The following OR6X1 variants were observed in gnomAD, a reference collection of about 807,000 sequenced individuals.
OR6X1 encodes olfactory receptor family 6 subfamily X member 1, also known as olfactory receptor 6X1.
For missense variants in OR6X1, 354 were observed against 372.2 expected, an observed-to-expected ratio of 0.95 and a Z score of 0.40; for synonymous variants, 160 against 149.8, an observed-to-expected ratio of 1.07 and a Z score of -0.50.
Position 123,754,348 on chromosome 11 carries a change from C to T in OR6X1, c.171G>A (p.Met57Ile), listed in dbSNP as rs760082144. The change falls in exon 1 of 1, where the codon ATG becomes ATA. Residue 57 changes from methionine (M) to isoleucine (I), a missense_variant. Met to Ile is a conservative substitution (Grantham distance 10). Coordinates refer to ENST00000327930, the MANE Select transcript of OR6X1 (RefSeq NM_001005188.1). Reference protein sequence around the residue: ...VWAEPRLQIPMYFFLCNLSFL... With the variant: ...VWAEPRLQIPIYFFLCNLSFL... ...AAGACAAGTTACAAAGGAAGAAGTACATTGGAATTTGTAGCCTGGGCTCAG... is the reference window on the plus strand; with the variant it reads ...AAGACAAGTTACAAAGGAAGAAGTATATTGGAATTTGTAGCCTGGGCTCAG... 27 of 1,614,124 alleles carry T rather than the reference C, an allele frequency of 1.7e-5. No individual in the cohort carries two copies. The highest frequency in any genetic ancestry group is 1.1e-4 in the East Asian group (5 of 44,880).
At position 123,754,166 on chromosome 11, in the gene OR6X1, A is replaced by G; in HGVS notation, c.353T>C (p.Phe118Ser). The G allele has an allele frequency of 6.2e-7, 1 of 1,614,116 alleles. No homozygotes were observed. Among genetic ancestry groups the G allele is most frequent in the Non-Finnish European group, 8.5e-7 (1 of 1,180,020 alleles). Residue 118 changes from phenylalanine (F) to serine (S), a missense_variant, in exon 1 of 1, where the codon TTT (phenylalanine) becomes TCT (serine). By Grantham distance (155) the Phe-to-Ser change is radical. Transcript: ENST00000327930. ...TEFLILTIMSFDRYLTICNPL... is the reference protein window; with the variant it reads ...TEFLILTIMSSDRYLTICNPL... ...ATTGCAGATGGTGAGGTAGCGGTCA[A>G]AAGACATGATAGTGAGGATCAAGAA...
Position 123,753,905 on chromosome 11 carries a change from AT to A in OR6X1, c.613del (p.Ile205SerfsTer9), listed in dbSNP as rs984306745. The A allele has an allele frequency of 1.8e-5, 29 of 1,614,088 alleles. No individual in the cohort carries two copies. The highest frequency in any genetic ancestry group is 2.2e-5 in the Non-Finnish European group (26 of 1,180,038). On this transcript the variant is annotated frameshift_variant, in exon 1 of 1. Coordinates refer to ENST00000327930, the MANE Select transcript of OR6X1 (RefSeq NM_001005188.1). LOFTEE classifies it low-confidence loss of function (END_TRUNC). ...LLGVIATILV[I>X]PGSLLFNMIS... ...CATATTAAAGAGAAGTGACCCTGGGATCACAAGGATGGTTGCTATGACGCCC... is the reference window on the plus strand; with the variant it reads ...CATATTAAAGAGAAGTGACCCTGGGACACAAGGATGGTTGCTATGACGCCC...
chr11:123,753,752 A>T lies in OR6X1; in HGVS notation c.767T>A (p.Met256Lys), dbSNP rs148604482. 1 of 1,614,058 alleles carries T rather than the reference A, an allele frequency of 6.2e-7. No homozygotes were observed. The highest frequency in any genetic ancestry group is 8.5e-7 in the Non-Finnish European group (1 of 1,180,028). Residue 256 changes from methionine (M) to lysine (K), a missense_variant, in exon 1 of 1, where the codon ATG (methionine) becomes AAG (lysine). Physicochemically the swap from Met to Lys is moderately conservative, Grantham distance 95. Transcript: ENST00000327930. ...VSLLYGAVLFMYLRPTAHSSF... is the reference protein window; with the variant it reads ...VSLLYGAVLFKYLRPTAHSSF... ...GGAGTGTGCTGTGGGTCTTAGGTAC[A>T]TGAACAGAACAGCCCCGTAGAGCAG...
Position 123,754,448 on chromosome 11 carries a change from G to A in OR6X1, c.71C>T (p.Pro24Leu), listed in dbSNP as rs773970171. ...GFPVIQGLQT[P>L]LFIAIFLTYI... ...GGTGAGAAAGATTGCAATAAAGAGAGGTGTTTGTAGGCCTTGGATAACAGG... is the reference window on the plus strand; with the variant it reads ...GGTGAGAAAGATTGCAATAAAGAGAAGTGTTTGTAGGCCTTGGATAACAGG... Residue 24 changes from proline (P) to leucine (L), a missense_variant, in exon 1 of 1, where the codon CCT becomes CTT. Transcript: ENST00000327930. 6 of 1,613,966 alleles carry A rather than the reference G, an allele frequency of 3.7e-6. No individual in the cohort carries two copies. In the Admixed American group the frequency reaches 8.3e-5, roughly 22 times the overall value.
rs779217499 is a variant in OR6X1, at chr11:123,753,797, G to A, written c.722C>T (p.Ser241Leu). The change falls in exon 1 of 1, where the codon TCG becomes TTG. Residue 241 changes from serine (S) to leucine (L), a missense_variant. Transcript: ENST00000327930. Reference sequence around the variant, plus strand: ...GAGCAGGGAGACAACTGTCAGGTGCGAGGCACAGGTAGAGAAAGTCTTTTG... The same window carrying A: ...GAGCAGGGAGACAACTGTCAGGTGCAAGGCACAGGTAGAGAAAGTCTTTTG... ...GHQKTFSTCA[S>L]HLTVVSLLYG... 9 of 1,614,116 alleles carry A rather than the reference G, an allele frequency of 5.6e-6. No individual in the cohort carries two copies. The Admixed American group carries it at 1.0e-4, about 18-fold the overall frequency.
chr11:123,754,288 G>A lies in OR6X1; in HGVS notation c.231C>T (p.Pro77=). The A allele has an allele frequency of 6.2e-7, 1 of 1,614,160 alleles. No homozygotes were observed. Among genetic ancestry groups the A allele is most frequent in the South Asian group, 1.1e-5 (1 of 91,082 alleles). The change falls in exon 1 of 1, where the codon CCC becomes CCT. Residue 77 remains proline, a synonymous_variant. Transcript: ENST00000327930. ...LEIWYTTTVI[P]KLLGTFVVAR... Reference sequence around the variant, plus strand: ...CCACTACAAAGGTTCCTAGCAGTTTGGGGATGACTGTGGTGGTGTACCAGA... The same window carrying A: ...CCACTACAAAGGTTCCTAGCAGTTTAGGGATGACTGTGGTGGTGTACCAGA...
rs1336448491 is a variant in OR6X1 at position 123,754,412 on chromosome 11, G to T, written c.107C>A (p.Thr36Asn). ...FIAIFLTYIL[T>N]LAGNGLIIAT... The stretch of plus-strand genomic sequence containing the variant: ...AATAATAAGCCCATTGCCTGCAAGG[G>T]TTAATATGTAGGTGAGAAAGATTGC... The change falls in exon 1 of 1, where the codon ACC becomes AAC. Residue 36 changes from threonine (T) to asparagine (N), a missense_variant. Coordinates refer to ENST00000327930, the MANE Select transcript of OR6X1 (RefSeq NM_001005188.1). The T allele has an allele frequency of 6.2e-7, 1 of 1,614,072 alleles. No homozygotes were observed. Among genetic ancestry groups the T allele is most frequent in the Non-Finnish European group, 8.5e-7 (1 of 1,179,910 alleles).
chr11:123,754,073 A>G lies in OR6X1; in HGVS notation c.446T>C (p.Val149Ala), dbSNP rs768292229. Reference protein sequence around the residue: ...CLQLALSSWVVGFTIVFCQTM... With the variant: ...CLQLALSSWVAGFTIVFCQTM... ...CTGACAAAAGACAATGGTGAAGCCC[A>G]CCACCCAGGAGCTCAGGGCCAGCTG... The change falls in exon 1 of 1, where the codon GTG becomes GCG. Residue 149 changes from valine (V) to alanine (A), a missense_variant. By Grantham distance (64) the Val-to-Ala change is moderately conservative. Transcript: ENST00000327930. 2.5e-6 allele frequency: 4 copies of G among 1,614,170 alleles called. No homozygotes were observed. Among genetic ancestry groups the G allele is most frequent in the Non-Finnish European group, 3.4e-6 (4 of 1,180,026 alleles).
In OR6X1 at chr11:123,753,854, G is replaced by A; in HGVS notation, c.665C>T (p.Ala222Val). The A allele has an allele frequency of 6.2e-7, 1 of 1,614,166 alleles. No individual in the cohort carries two copies. The highest frequency in any genetic ancestry group is 1.3e-5 in the African/African-American group (1 of 75,044). ...NMISYIYILS[A>V]ILRIPSATGH... Reference sequence around the variant, plus strand: ...AGTGGCTGAAGGAATTCGTAGGATTGCGGACAGAATGTAGATATAAGAAAT... The same window carrying A: ...AGTGGCTGAAGGAATTCGTAGGATTACGGACAGAATGTAGATATAAGAAAT... Residue 222 changes from alanine to valine, a missense_variant, in exon 1 of 1, where the codon GCA (alanine) becomes GTA (valine). By Grantham distance (64) the Ala-to-Val change is moderately conservative. Coordinates refer to ENST00000327930, the MANE Select transcript of OR6X1 (RefSeq NM_001005188.1).
In OR6X1 at chr11:123,754,132, G is replaced by C; in HGVS notation, c.387C>G (p.His129Gln). 6.2e-7 allele frequency: 1 copy of C among 1,614,160 alleles called. No homozygotes were observed. The highest frequency in any genetic ancestry group is 8.5e-7 in the Non-Finnish European group (1 of 1,180,036). Residue 129 changes from histidine (H) to glutamine (Q), a missense_variant, in exon 1 of 1, where the codon CAC becomes CAG. Transcript: ENST00000327930. ...GTTTGCTGGTCATGATGGTGGGGTG[G>C]TGAAGGGGATTGCAGATGGTGAGGT... ...DRYLTICNPL[H>Q]HPTIMTSKLC... is the part of the protein sequence containing the mutation.
At position 123,753,709 on chromosome 11, in the gene OR6X1, C is replaced by T. The variant is rs367583580; in HGVS notation, c.810G>A (p.Lys270=). The change falls in exon 1 of 1, where the codon AAG becomes AAA. Residue 270 remains lysine, a synonymous_variant. Coordinates refer to ENST00000327930, the MANE Select transcript of OR6X1 (RefSeq NM_001005188.1). ...GGATAGTATTTAGCACAGACACCAC[C>T]TTATTAATCTTAAAGGAGGAGTGTG... The part of the protein sequence containing the change: ...PTAHSSFKIN[K]VVSVLNTILT... 5.0e-6 allele frequency: 8 copies of T among 1,613,940 alleles called. No homozygotes were observed. The African/African-American group carries it at 1.1e-4, about 22-fold the overall frequency.
rs1210037929 is a variant in OR6X1, at chr11:123,753,593, C to A, written c.926G>T (p.Gly309Val). The A allele has an allele frequency of 1.3e-6, 2 of 1,563,008 alleles. No individual in the cohort carries two copies. The highest frequency in any genetic ancestry group is 1.7e-6 in the Non-Finnish European group (2 of 1,155,732). Residue 309 changes from glycine to valine, a missense_variant, in exon 1 of 1, where the codon GGT becomes GTT. By Grantham distance (109) the Gly-to-Val change is moderately radical. Coordinates refer to ENST00000327930, the MANE Select transcript of OR6X1 (RefSeq NM_001005188.1). ...GTGTTGCATGTTTTACTTTGCATGA[C>A]CAGTCTTTGGGCAAGTCATTGCCTT... is the stretch of plus-strand genomic sequence containing the variant. ...LRKAMTCPKT[G>V]HAK
Position 123,754,402 on chromosome 11 carries a change from G to A in OR6X1, c.117C>T (p.Gly39=). Residue 39 remains glycine, a synonymous_variant, in exon 1 of 1, where the codon GGC becomes GGT. Coordinates refer to ENST00000327930, the MANE Select transcript of OR6X1 (RefSeq NM_001005188.1). The part of the protein sequence containing the change: ...IFLTYILTLA[G]NGLIIATVWA... ...ACACAGTGGCAATAATAAGCCCATTGCCTGCAAGGGTTAATATGTAGGTGA... is the reference window on the plus strand; with the variant it reads ...ACACAGTGGCAATAATAAGCCCATTACCTGCAAGGGTTAATATGTAGGTGA... 1 of 1,613,932 alleles carries A rather than the reference G, an allele frequency of 6.2e-7. No individual in the cohort carries two copies. The highest frequency in any genetic ancestry group is 8.5e-7 in the Non-Finnish European group (1 of 1,179,774).
rs185375744 is a variant in OR6X1, at chr11:123,753,859, C to T, written c.660G>A (p.Leu220=). ...LFNMISYIYI[L]SAILRIPSAT... ...CTGAAGGAATTCGTAGGATTGCGGA[C>T]AGAATGTAGATATAAGAAATCATAT... is the stretch of plus-strand genomic sequence containing the variant. Residue 220 remains leucine (L), a synonymous_variant, in exon 1 of 1, where the codon CTG becomes CTA. Transcript: ENST00000327930. 1.4e-5 allele frequency: 23 copies of T among 1,614,070 alleles called. No individual in the cohort carries two copies. The African/African-American group carries it at 2.8e-4, about 20-fold the overall frequency.
rs1292147999 is a variant in OR6X1 at position 123,754,262 on chromosome 11, G to A, written c.257C>T (p.Ala86Val). 6.2e-7 allele frequency: 1 copy of A among 1,614,060 alleles called. No individual in the cohort carries two copies. Among genetic ancestry groups the A allele is most frequent in the Non-Finnish European group, 8.5e-7 (1 of 1,180,032 alleles). The change falls in exon 1 of 1, where the codon GCA (alanine) becomes GTA (valine). Residue 86 changes from alanine to valine, a missense_variant. Ala to Val is a moderately conservative substitution (Grantham distance 64). Coordinates refer to ENST00000327930, the MANE Select transcript of OR6X1 (RefSeq NM_001005188.1). Reference protein sequence around the residue: ...IPKLLGTFVVARTVICMSCCL... With the variant: ...IPKLLGTFVVVRTVICMSCCL... The stretch of plus-strand genomic sequence containing the variant: ...GCAGGACATGCAGATTACTGTTCTT[G>A]CCACTACAAAGGTTCCTAGCAGTTT...
rs1565538348 is a variant in OR6X1, at chr11:123,754,483, C to T, written c.36G>A (p.Leu12=). Residue 12 remains leucine, a synonymous_variant, in exon 1 of 1, where the codon CTG becomes CTA. Transcript: ENST00000327930. Reference sequence around the variant, plus strand: ...GGCCTTGGATAACAGGAAAGCCTAGCAGGATGAATTCTGTGATTACTGTGC... The same window carrying T: ...GGCCTTGGATAACAGGAAAGCCTAGTAGGATGAATTCTGTGATTACTGTGC... ...RNGTVITEFI[L]LGFPVIQGLQ... The T allele has an allele frequency of 6.2e-7, 1 of 1,610,876 alleles. No individual in the cohort carries two copies. The highest frequency in any genetic ancestry group is 1.7e-5 in the Admixed American group (1 of 59,704).
chr11:123,753,805 G>A lies in OR6X1; in HGVS notation c.714C>T (p.Thr238=). Residue 238 remains threonine, a synonymous_variant, in exon 1 of 1, where the codon ACC becomes ACT. Transcript: ENST00000327930. ...AGACAACTGTCAGGTGCGAGGCACA[G>A]GTAGAGAAAGTCTTTTGGTGGCCAG... The part of the protein sequence containing the change: ...SATGHQKTFS[T]CASHLTVVSL... 1.2e-6 allele frequency: 2 copies of A among 1,614,164 alleles called. No individual in the cohort carries two copies. The highest frequency in any genetic ancestry group is 8.5e-7 in the Non-Finnish European group (1 of 1,180,044).
chr11:123,753,880 C>T lies in OR6X1; in HGVS notation c.639G>A (p.Met213Ile). The T allele has an allele frequency of 6.2e-7, 1 of 1,614,130 alleles. No individual in the cohort carries two copies. The highest frequency in any genetic ancestry group is 8.5e-7 in the Non-Finnish European group (1 of 1,180,022). Residue 213 changes from methionine (M) to isoleucine (I), a missense_variant, in exon 1 of 1, where the codon ATG becomes ATA. Coordinates refer to ENST00000327930, the MANE Select transcript of OR6X1 (RefSeq NM_001005188.1). ...LVIPGSLLFN[M>I]ISYIYILSAI... ...CGGACAGAATGTAGATATAAGAAAT[C>T]ATATTAAAGAGAAGTGACCCTGGGA...
Position 123,754,066 on chromosome 11 carries a change from G to C in OR6X1, c.453C>G (p.Phe151Leu). ...QLALSSWVVG[F>L]TIVFCQTMLL... is the part of the protein sequence containing the mutation. Reference sequence around the variant, plus strand: ...GCATCGTCTGACAAAAGACAATGGTGAAGCCCACCACCCAGGAGCTCAGGG... The same window carrying C: ...GCATCGTCTGACAAAAGACAATGGTCAAGCCCACCACCCAGGAGCTCAGGG... The change falls in exon 1 of 1, where the codon TTC (phenylalanine) becomes TTG (leucine). Residue 151 changes from phenylalanine to leucine, a missense_variant. Phe to Leu is a conservative substitution (Grantham distance 22). Transcript: ENST00000327930. 1 of 1,614,112 alleles carries C rather than the reference G, an allele frequency of 6.2e-7. No homozygotes were observed. Among genetic ancestry groups the C allele is most frequent in the Non-Finnish European group, 8.5e-7 (1 of 1,180,018 alleles).
Sources: gnomAD v4.1 joint callset for allele counts on GRCh38, gnomAD v4.1.1 for gene constraint, MANE v1.5 for transcripts, NCBI Gene and HGNC (gene_info 2026-07-23, HGNC 2026-07-21) for gene names.